Variants in KIRREL3 observed in about 807,000 individuals in gnomAD.
KIRREL3 encodes the protein kin of IRRE-like protein 3.
A neutral mutation model predicts 89.7 loss-of-function variants in KIRREL3; 36 were observed. That is an observed-to-expected ratio of 0.40 (90% CI 0.31 to 0.53). The LOEUF is 0.53. KIRREL3 is among the 20% of genes least tolerant of loss of function. The pLI is 0.49. For missense variants in KIRREL3, 864 were observed against 1,056.6 expected (o/e 0.82, Z 2.53); for synonymous variants, 445 against 441.4 (o/e 1.01, Z -0.10).
intron 4 of KIRREL3, among the ~76,000 whole-genome samples, chr11:126,479,687 A>T (rs1267887424): frequency 6.6e-5 from 10 of 152,164 alleles, no homozygotes; most frequent in Non-Finnish European, 1.5e-5. Context: ...GGGACCCTTG[A>T]TCCCTTCACA....
Position 126,748,751 on chromosome 11 carries a change from T to C in KIRREL3, c.56-185839A>G, listed in dbSNP as rs1009360876. Among the ~76,000 whole-genome samples, 3 of 152,216 alleles carry C rather than the reference T, an allele frequency of 2.0e-5. No homozygotes were observed. Among genetic ancestry groups the C allele is most frequent in the African/African-American group, 4.8e-5 (2 of 41,464 alleles). ...CCACGTGTGCCATCCATCGCTGTGA[T>C]AAAAGCCTCTCTGCCCACCGAAACT... On this transcript the variant is annotated intron_variant, in intron 1 of 16. Transcript: ENST00000525144. This position sits in a 1 kb window ranked among gnomAD's most constrained non-coding sequence, Gnocchi z 4.6.
At chr11:126,880,636 G>A (rs1443670768) in intron 1 of KIRREL3, among the ~76,000 whole-genome samples, 2 of 124,160 alleles carry the variant, frequency 1.6e-5, no homozygotes, top group African/African-American at 5.4e-5. Flanking sequence ...CAAAAGTTGT[G>A]GTTTTTTTTT....
rs1555165622 is a variant in KIRREL3, at chr11:126,631,124, T to TCATTC, written c.56-68213_56-68212insGAATG. ...TCTGTGCAATCAGTCTGTATGTATG[T>TCATTC]ATTCATTCATTCATTCATTCATTCA... is the stretch of plus-strand genomic sequence containing the variant. On this transcript the variant is annotated intron_variant, in intron 1 of 16. Transcript: ENST00000525144. Among the ~76,000 whole-genome samples the TCATTC allele has an allele frequency of 2.0e-4, 21 of 106,758 alleles. No homozygotes were observed. The South Asian group carries it at 4.7e-3, about 24-fold the overall frequency. The allele number at this position is 106,758 out of a possible 152,430, so 70.0% of individuals were successfully genotyped here.
intron 1 of KIRREL3, among the ~76,000 whole-genome samples, chr11:126,775,573 G>T (rs1341540814): frequency 1.3e-5 from 2 of 152,100 alleles, no homozygotes; most frequent in Non-Finnish European, 2.9e-5. Context: ...GAACAGCCCA[G>T]TTCAGGGCCT....
chr11:126,584,539 C>A (rs1232843129), intron 1 of KIRREL3, among the ~76,000 whole-genome samples: 2 of 152,202 alleles, frequency 1.3e-5, no homozygotes, highest in Non-Finnish European at 2.9e-5. Flanking sequence ...TATGACCGAG[C>A]CTGGCTGCAA....
chr11:126,679,595 A>G (rs1946358391), intron 1 of KIRREL3, among the ~76,000 whole-genome samples: 1 of 152,216 alleles, frequency 6.6e-6, no homozygotes, highest in African/African-American at 2.4e-5. Context: ...ACTATTAATC[A>G]TAATATTGTG....
chr11:126,757,703 C>T (rs1326661891), intron 1 of KIRREL3, among the ~76,000 whole-genome samples: 2 of 151,568 alleles, frequency 1.3e-5, no homozygotes, highest in African/African-American at 4.9e-5. Context: ...GTGCAGAATA[C>T]CAAGATTTAC....
intron 1 of KIRREL3, among the ~76,000 whole-genome samples, chr11:126,947,586 G>A (rs1164800740): frequency 6.6e-6 from 1 of 152,218 alleles, no homozygotes; most frequent in Non-Finnish European, 1.5e-5. Context: ...AGTTTTATGT[G>A]CACACGGAAC....
chr11:126,745,433 A>G (rs1949112307), intron 1 of KIRREL3, among the ~76,000 whole-genome samples: 1 of 151,984 alleles, frequency 6.6e-6, no homozygotes, highest in Non-Finnish European at 1.5e-5. Flanking sequence ...GAGCTAAGAA[A>G]GATTAGTGAA....
Position 126,624,943 on chromosome 11 carries a change from C to T in KIRREL3, c.56-62031G>A, listed in dbSNP as rs1313816826. ...GGGACTGCTGATGGCGTTTCCTAGT[C>T]ACTCATCACAAGGTCACTGATTGTT... is the stretch of plus-strand genomic sequence containing the variant. On this transcript the variant is annotated intron_variant, in intron 1 of 16. Transcript: ENST00000525144. The surrounding 1 kb of genome is among the most constrained non-coding windows in gnomAD (Gnocchi z 6.0). Among the ~76,000 whole-genome samples, 1 of 152,132 alleles carries T rather than the reference C, an allele frequency of 6.6e-6. No homozygotes were observed. Among genetic ancestry groups the T allele is most frequent in the African/African-American group, 2.4e-5 (1 of 41,426 alleles).
At chr11:126,540,063 G>A (rs1004320600) in intron 2 of KIRREL3, among the ~76,000 whole-genome samples, 2 of 152,192 alleles carry the variant, frequency 1.3e-5, no homozygotes, top group Non-Finnish European at 2.9e-5. Flanking sequence ...TCTCCCTTTA[G>A]ACTGGGATTG....
chr11:126,923,375 TC>T (rs1444978903), intron 1 of KIRREL3, among the ~76,000 whole-genome samples: 9 of 3,988 alleles, frequency 2.3e-3, no homozygotes, highest in African/African-American at 0.014. Flanking sequence ...TTCTCCTTCT[TC>T]CTTCTTCTTC....
chr11:126,520,359 C>T lies in KIRREL3; in HGVS notation c.433+956G>A, dbSNP rs1565519145. 2.0e-5 allele frequency among the ~76,000 whole-genome samples: 3 copies of T among 152,132 alleles called. No individual in the cohort carries two copies. In the South Asian group the frequency reaches 6.2e-4, roughly 31 times the overall value. ...GGGGCAGCGAGGTGGGGCAGGTAGC[C>T]CTGGAGCCCTGGCCAGGAGCCCATG... On this transcript the variant is annotated intron_variant, in intron 4 of 16. Transcript: ENST00000525144. This position sits in a 1 kb window ranked among gnomAD's most constrained non-coding sequence, Gnocchi z 4.9.
rs1945074430 is a variant in KIRREL3, at chr11:126,870,542, G to A, written c.55+129913C>T. The stretch of plus-strand genomic sequence containing the variant: ...AGGCTCAGTAGAATGCAGCTTCCTG[G>A]CCCGGCTCCCATAGTGGCCCCTCCT... On this transcript the variant is annotated intron_variant, in intron 1 of 16. Coordinates refer to ENST00000525144, the MANE Select transcript of KIRREL3 (RefSeq NM_032531.4). This position sits in a 1 kb window ranked among gnomAD's most constrained non-coding sequence, Gnocchi z 4.4. Among the ~76,000 whole-genome samples the A allele has an allele frequency of 6.6e-6, 1 of 152,196 alleles. No homozygotes were observed. The highest frequency in any genetic ancestry group is 2.1e-4 in the South Asian group (1 of 4,832).
chr11:126,910,336 G>A (rs1946765546), intron 1 of KIRREL3, among the ~76,000 whole-genome samples: 1 of 152,262 alleles, frequency 6.6e-6, no homozygotes, highest in South Asian at 2.1e-4. Flanking sequence ...TGGAGAGAAG[G>A]GATCACTGGG....
At position 126,571,267 on chromosome 11, in the gene KIRREL3, C is replaced by T. The variant is rs1258529642; in HGVS notation, c.56-8355G>A. On this transcript the variant is annotated intron_variant, in intron 1 of 16. Transcript: ENST00000525144. This position sits in a 1 kb window ranked among gnomAD's most constrained non-coding sequence, Gnocchi z 7.7. The stretch of plus-strand genomic sequence containing the variant: ...CTCAGACACTGCCTGGGATCTTTCT[C>T]CCAACTGATGAATTGCCTGGAATTC... Among the ~76,000 whole-genome samples, 1 of 152,194 alleles carries T rather than the reference C, an allele frequency of 6.6e-6. No individual in the cohort carries two copies. The highest frequency in any genetic ancestry group is 2.4e-5 in the African/African-American group (1 of 41,442).
intron 1 of KIRREL3, among the ~76,000 whole-genome samples, chr11:126,923,026 C>G (rs1166904722): frequency 6.6e-6 from 1 of 152,220 alleles, no homozygotes; most frequent in Non-Finnish European, 1.5e-5. Context: ...CCCATGGCAG[C>G]ATGCCCTCCT....
chr11:126,872,432 C>A lies in KIRREL3; in HGVS notation c.55+128023G>T, dbSNP rs780047825. 2.6e-5 allele frequency among the ~76,000 whole-genome samples: 4 copies of A among 152,272 alleles called. No homozygotes were observed. Among genetic ancestry groups the A allele is most frequent in the African/African-American group, 7.2e-5 (3 of 41,562 alleles). Reference sequence around the variant, plus strand: ...TAGCCCTGCTCAGCAAGGAGCGGCTCCCCTGCTGCTGCTGTATGCTGCCAC... The same window carrying A: ...TAGCCCTGCTCAGCAAGGAGCGGCTACCCTGCTGCTGCTGTATGCTGCCAC... On this transcript the variant is annotated intron_variant, in intron 1 of 16. Coordinates refer to ENST00000525144, the MANE Select transcript of KIRREL3 (RefSeq NM_032531.4). The surrounding 1 kb of genome is among the most constrained non-coding windows in gnomAD (Gnocchi z 4.2).
chr11:126,794,735 C>T (rs1245086752), intron 1 of KIRREL3, among the ~76,000 whole-genome samples: 1 of 152,190 alleles, frequency 6.6e-6, no homozygotes, highest in South Asian at 2.1e-4. Flanking sequence ...ATCTGACAAT[C>T]GTGCTGCTAG....
Sources: allele counts gnomAD v4.1 joint callset (sites outside exome capture counted in the v4.1 genomes callset), GRCh38; gene constraint gnomAD v4.1.1; non-coding constraint Gnocchi (gnomAD v3.1); transcripts MANE v1.5; gene names NCBI Gene and HGNC (gene_info 2026-07-23, HGNC 2026-07-21).